The following BAIAP2 variants were observed in gnomAD, a reference collection of about 807,000 sequenced individuals.
BAIAP2 encodes the protein BAR/IMD domain-containing adapter protein 2.
BAIAP2 carries 18 observed loss-of-function variants against 63.0 expected under a neutral mutation model. The ratio of observed to expected loss-of-function variants is 0.29; its 90% CI spans 0.20 to 0.42. The LOEUF is 0.42. BAIAP2 is among the 10% of genes least tolerant of loss of function. BAIAP2 has a pLI of 1.00. For missense variants in BAIAP2, 610 were observed against 734.3 expected, an observed-to-expected ratio of 0.83 and a Z score of 1.96; for synonymous variants, 386 against 307.6, an observed-to-expected ratio of 1.25 and a Z score of -2.67.
chr17:81,114,917 G>A (rs2060344751), intron 13 of BAIAP2, among the ~76,000 whole-genome samples: 1 of 152,250 alleles, frequency 6.6e-6, no homozygotes, highest in Non-Finnish European at 1.5e-5. Context: ...TCCAAGCACA[G>A]CTTTGCCAGA....
intron 13 of BAIAP2, chr17:81,109,494 C>T: frequency 1.0e-6 from 1 of 985,724 alleles, no homozygotes; most frequent in Non-Finnish European, 1.2e-6. Flanking sequence ...CATCCGACTT[C>T]CCCGGTGCGA....
chr17:81,092,334 G>A (rs1051531307), intron 6 of BAIAP2, among the ~76,000 whole-genome samples: 3 of 152,244 alleles, frequency 2.0e-5, no homozygotes, highest in Non-Finnish European at 2.9e-5. Flanking sequence ...CTCCACTGCC[G>A]GGCTCATTGT....
intron 3 of BAIAP2, among the ~76,000 whole-genome samples, chr17:81,072,711 C>G (rs185981696): frequency 4.5e-4 from 68 of 152,288 alleles, no homozygotes; most frequent in African/African-American, 1.6e-3. Flanking sequence ...CGGACGCTGT[C>G]TGGCAGGCTC....
rs534990138 is a variant in BAIAP2, at chr17:81,059,135, C to T, written c.217+1168C>T. ...GACCCTCATCGGAGCCCCCCCCCCA[C>T]GCCCCCACAGGCTGCTGCCTTGGGC... is the stretch of plus-strand genomic sequence containing the variant. On this transcript the variant is annotated intron_variant, in intron 3 of 13. Coordinates refer to ENST00000428708, the MANE Select transcript of BAIAP2 (RefSeq NM_001144888.2). Among the ~76,000 whole-genome samples the T allele has an allele frequency of 2.2e-3, 342 of 152,246 alleles. 1 individual carries two copies. The highest frequency in any genetic ancestry group is 4.2e-3 in the Non-Finnish European group (285 of 68,004).
intron 3 of BAIAP2, among the ~76,000 whole-genome samples, chr17:81,063,352 G>A (rs577892062): frequency 6.6e-6 from 1 of 152,132 alleles, no homozygotes; most frequent in East Asian, 1.9e-4. Flanking sequence ...CTGTGTTCTT[G>A]CCACACGCGG....
At chr17:81,053,378 C>T (rs2048975946) in intron 1 of BAIAP2, 1 of 442,658 alleles carries the variant, frequency 2.3e-6, no homozygotes, top group East Asian at 4.6e-5. Context: ...ATTCTGCCTG[C>T]TGCACCATGC....
chr17:81,084,224 G>T (rs964193770), intron 3 of BAIAP2, among the ~76,000 whole-genome samples: 17 of 152,178 alleles, frequency 1.1e-4, no homozygotes, highest in African/African-American at 4.1e-4. Flanking sequence ...TGCCTGGTGA[G>T]CCTATCCCAT....
intron 2 of BAIAP2, among the ~76,000 whole-genome samples, chr17:81,055,317 C>T (rs12937986): frequency 0.085 from 12,864 of 152,224 alleles, 1,494 homozygotes; most frequent in African/African-American, 0.26. Context: ...CAGTTGTGCC[C>T]GCCTGCCACA....
Position 81,040,060 on chromosome 17 carries a change from G to C in BAIAP2, c.54+4752G>C, listed in dbSNP as rs115214158. Reference sequence around the variant, plus strand: ...CATGGCCCTCTCTGCCAGCTGCCCTGGGCTAGTGTTGCCTGTGGGTGCCAC... The same window carrying C: ...CATGGCCCTCTCTGCCAGCTGCCCTCGGCTAGTGTTGCCTGTGGGTGCCAC... On this transcript the variant is annotated intron_variant, in intron 1 of 13. Transcript: ENST00000428708. Among the ~76,000 whole-genome samples the C allele has an allele frequency of 3.5e-3, 533 of 152,308 alleles. 4 individuals carry two copies. The highest frequency in any genetic ancestry group is 0.012 in the African/African-American group (509 of 41,562).
chr17:81,115,056 C>G (rs1214873631), intron 13 of BAIAP2, among the ~76,000 whole-genome samples: 2 of 152,262 alleles, frequency 1.3e-5, no homozygotes, highest in Non-Finnish European at 2.9e-5. Context: ...AAGAGAAAGG[C>G]TCAGGCATCC....
rs771522958 is a variant in BAIAP2, at chr17:81,100,064, C to T, written c.626C>T (p.Ala209Val). The T allele has an allele frequency of 2.2e-5, 35 of 1,610,772 alleles. No individual in the cohort carries two copies. In the South Asian group the frequency reaches 2.9e-4, roughly 13 times the overall value. ...EKQCAVAKNS[A>V]AYHSKGKELL... ...CAGTGCGCCGTGGCCAAGAACTCCGCGGCCTACCACTCCAAGGTGAGGCGG... is the reference window on the plus strand; with the variant it reads ...CAGTGCGCCGTGGCCAAGAACTCCGTGGCCTACCACTCCAAGGTGAGGCGG... The change falls in exon 7 of 14, where the codon GCG becomes GTG. Residue 209 changes from alanine (A) to valine (V), a missense_variant. By Grantham distance (64) the Ala-to-Val change is moderately conservative. Coordinates refer to ENST00000428708, the MANE Select transcript of BAIAP2 (RefSeq NM_001144888.2).
At position 81,063,303 on chromosome 17, in the gene BAIAP2, A is replaced by G. The variant is rs118055751; in HGVS notation, c.217+5336A>G. ...TGCCACAGGAAGATGGATTTGTGCAACCTGCCTTTCTCACTGTGTCTTAGG... is the reference window on the plus strand; with the variant it reads ...TGCCACAGGAAGATGGATTTGTGCAGCCTGCCTTTCTCACTGTGTCTTAGG... On this transcript the variant is annotated intron_variant, in intron 3 of 13. Transcript: ENST00000428708. Among the ~76,000 whole-genome samples, 1,467 of 152,276 alleles carry G rather than the reference A, an allele frequency of 9.6e-3. 11 individuals are homozygous for G. Among genetic ancestry groups the G allele is most frequent in the Middle Eastern group, 0.02 (6 of 294 alleles).
intron 7 of BAIAP2, among the ~76,000 whole-genome samples, chr17:81,102,354 C>G (rs558083246): frequency 2.0e-5 from 3 of 152,160 alleles, no homozygotes; most frequent in Admixed American, 6.5e-5. Flanking sequence ...GTGCTGGTCC[C>G]TGCTGGCCTC....
chr17:81,095,203 AGCCACTGGGACT>A (rs1295815368), intron 6 of BAIAP2, among the ~76,000 whole-genome samples: 1 of 152,108 alleles, frequency 6.6e-6, no homozygotes. Context: ...GGAGGGGGCC[AGCCACTGGGACT>A]GCCTGCCCAT....
chr17:81,101,635 G>GCACA (rs57194901), intron 7 of BAIAP2, among the ~76,000 whole-genome samples: 3 of 151,498 alleles, frequency 2.0e-5, no homozygotes, highest in East Asian at 2.0e-4. Flanking sequence ...GCGCGTGCGT[G>GCACA]CACACACACA....
chr17:81,049,800 C>T (rs1011252092), intron 1 of BAIAP2, among the ~76,000 whole-genome samples: 6 of 152,246 alleles, frequency 3.9e-5, no homozygotes, highest in Non-Finnish European at 5.9e-5. Context: ...TATGGGCCCC[C>T]GGACCAGGAC....
intron 1 of BAIAP2, among the ~76,000 whole-genome samples, chr17:81,051,421 G>C (rs959125010): frequency 2.6e-5 from 4 of 152,116 alleles, no homozygotes; most frequent in African/African-American, 9.7e-5. Context: ...ATTTTTTTGA[G>C]ACAGAGTCTC....
At chr17:81,110,344 C>T in intron 13 of BAIAP2, 2 of 986,460 alleles carry the variant, frequency 2.0e-6, no homozygotes, top group Non-Finnish European at 2.4e-6. Context: ...ATTTCAAATC[C>T]AGGGGATTCC....
intron 10 of BAIAP2, chr17:81,104,936 C>T (rs191167274): frequency 3.9e-6 from 2 of 511,434 alleles, no homozygotes; most frequent in Non-Finnish European, 3.5e-6. Flanking sequence ...AACCACCTCC[C>T]TGCAGGGGTC....
Sources: gnomAD v4.1 joint callset for allele counts (sites outside exome capture counted in the v4.1 genomes callset) on GRCh38, gnomAD v4.1.1 for gene constraint, MANE v1.5 for transcripts, NCBI Gene and HGNC (gene_info 2026-07-23, HGNC 2026-07-21) for gene names.